The following NUDCD1 variants were observed in gnomAD, a reference collection of about 807,000 sequenced individuals.
The protein encoded by NUDCD1 is NudC domain containing 1, also known as nudC domain-containing protein 1.
A neutral mutation model predicts 67.8 loss-of-function variants in NUDCD1; 60 were observed. The observed-to-expected ratio is 0.88, with a 90% CI of 0.72 to 1.10. NUDCD1 has a LOEUF of 1.10. NUDCD1 is among the 50% of genes least tolerant of loss of function. The pLI is 0.00. For missense variants in NUDCD1, 643 were observed against 695.0 expected, an observed-to-expected ratio of 0.93 and a Z score of 0.84; for synonymous variants, 244 against 230.8, an observed-to-expected ratio of 1.06 and a Z score of -0.52.
intron 8 of NUDCD1, among the ~76,000 whole-genome samples, chr8:109,263,709 C>T (rs576609426): frequency 9.2e-5 from 14 of 152,154 alleles, no homozygotes; most frequent in East Asian, 7.7e-4. Context: ...ATGCAGAACC[C>T]TATTGGGTTG....
At chr8:109,328,504 G>A (rs1009959499) in intron 1 of NUDCD1, among the ~76,000 whole-genome samples, 1 of 152,116 alleles carries the variant, frequency 6.6e-6, no homozygotes, top group African/African-American at 2.4e-5. Context: ...TGTGTTTGAG[G>A]AGATTACCCC....
chr8:109,308,018 T>C (rs2130084330), intron 2 of NUDCD1, among the ~76,000 whole-genome samples: 1 of 152,110 alleles, frequency 6.6e-6, no homozygotes, highest in East Asian at 1.9e-4. Context: ...AGCAACACAA[T>C]AATAGTGGGG....
intron 6 of NUDCD1, among the ~76,000 whole-genome samples, chr8:109,277,067 T>A (rs1814306949): frequency 6.6e-6 from 1 of 152,198 alleles, no homozygotes; most frequent in East Asian, 1.9e-4. Context: ...ATATGTCAGG[T>A]GCTGTCTTAA....
intron 8 of NUDCD1, among the ~76,000 whole-genome samples, chr8:109,260,420 T>C (rs1813839935): frequency 6.6e-6 from 1 of 152,206 alleles, no homozygotes; most frequent in African/African-American, 2.4e-5. Context: ...AGGCTGGTCC[T>C]GACCTCCTGG....
chr8:109,283,478 G>A (rs1417333985), intron 5 of NUDCD1, among the ~76,000 whole-genome samples: 1 of 152,044 alleles, frequency 6.6e-6, no homozygotes, highest in Admixed American at 6.6e-5. Flanking sequence ...GATCACCAAG[G>A]CATATAGCAC....
At chr8:109,299,884 T>C (rs1303079570) in intron 2 of NUDCD1, among the ~76,000 whole-genome samples, 1 of 152,212 alleles carries the variant, frequency 6.6e-6, no homozygotes, top group Admixed American at 6.5e-5. Flanking sequence ...GGACAGGTGC[T>C]GGTATCCATG....
At chr8:109,271,969 G>C (rs1173786767) in intron 7 of NUDCD1, among the ~76,000 whole-genome samples, 1 of 151,876 alleles carries the variant, frequency 6.6e-6, no homozygotes, top group East Asian at 1.9e-4. Context: ...GAAAAGGGAA[G>C]AAAAGAGAAA....
At chr8:109,296,143 G>A (rs1814836671) in intron 3 of NUDCD1, among the ~76,000 whole-genome samples, 1 of 152,116 alleles carries the variant, frequency 6.6e-6, no homozygotes, top group Non-Finnish European at 1.5e-5. Context: ...GATGTCTGCT[G>A]AAAAATGAAT....
At position 109,243,204 on chromosome 8, in the gene NUDCD1, G is replaced by A; in HGVS notation, c.1557C>T (p.Ile519=). 6.2e-7 allele frequency: 1 copy of A among 1,613,768 alleles called. No individual in the cohort carries two copies. The highest frequency in any genetic ancestry group is 8.5e-7 in the Non-Finnish European group (1 of 1,179,756). ...ALCECLRRVF[I]YRQPAPMSTV... ...TGGACATGGGAGCAGGCTGACGATAGATGAATACTCGACGAAGGCACTCAC... is the reference window on the plus strand; with the variant it reads ...TGGACATGGGAGCAGGCTGACGATAAATGAATACTCGACGAAGGCACTCAC... The change falls in exon 10 of 10, where the codon ATC becomes ATT. Residue 519 remains isoleucine, a synonymous_variant. Transcript: ENST00000239690.
intron 1 of NUDCD1, among the ~76,000 whole-genome samples, chr8:109,323,604 A>G (rs1032250138): frequency 6.6e-6 from 1 of 152,124 alleles, no homozygotes; most frequent in Non-Finnish European, 1.5e-5. Flanking sequence ...GGGGAGATTA[A>G]CAAAAGCTTT....
In NUDCD1 at chr8:109,296,558, T is replaced by A; in HGVS notation, c.285A>T (p.Leu95Phe). Residue 95 changes from leucine to phenylalanine, a missense_variant, in exon 3 of 10, where the codon TTA becomes TTT. Leu to Phe is a conservative substitution (Grantham distance 22, BLOSUM62 0). Transcript: ENST00000239690. ...GTCGAAACACCTCTCGTGGTTTTCC[T>A]AAGGCAGTGTCCTAAAAAGACCAAA... is the stretch of plus-strand genomic sequence containing the variant. ...MNLTVMLDTALGKPREVFRLP... is the reference protein window; with the variant it reads ...MNLTVMLDTAFGKPREVFRLP... 2 of 1,604,332 alleles carry A rather than the reference T, an allele frequency of 1.2e-6. No individual in the cohort carries two copies. Among genetic ancestry groups the A allele is most frequent in the Non-Finnish European group, 1.7e-6 (2 of 1,172,986 alleles).
chr8:109,293,412 T>C lies in NUDCD1; in HGVS notation c.572A>G (p.Glu191Gly). 2 of 1,589,966 alleles carry C rather than the reference T, an allele frequency of 1.3e-6. No homozygotes were observed. The highest frequency in any genetic ancestry group is 1.4e-5 in the African/African-American group (1 of 73,682). ...ATLLLRIEKE[E>G]LDMKGSGFYV... ...GAAACCACTTCCTTTCATATCCAAT[T>C]CCTCTTTCTCTATTCGAAGAAGTAG... Residue 191 changes from glutamate to glycine, a missense_variant, in exon 4 of 10, where the codon GAA becomes GGA. By Grantham distance (98) the Glu-to-Gly change is moderately conservative (BLOSUM62 -2). Transcript: ENST00000239690.
At chr8:109,331,819 T>C (rs1815815135) in intron 1 of NUDCD1, among the ~76,000 whole-genome samples, 1 of 152,220 alleles carries the variant, frequency 6.6e-6, no homozygotes, top group African/African-American at 2.4e-5. Context: ...AGTTTTATTT[T>C]ATATTGTAAT....
At chr8:109,299,576 C>T (rs1038267971) in intron 2 of NUDCD1, among the ~76,000 whole-genome samples, 1 of 152,148 alleles carries the variant, frequency 6.6e-6, no homozygotes, top group Non-Finnish European at 1.5e-5. Flanking sequence ...TCACCCCCAT[C>T]CCCCACAGCA....
intron 7 of NUDCD1, among the ~76,000 whole-genome samples, chr8:109,274,795 T>C (rs1432923074): frequency 6.6e-6 from 1 of 152,190 alleles, no homozygotes; most frequent in Non-Finnish European, 1.5e-5. Context: ...AATTTCAAGT[T>C]CTGATGTACT....
At chr8:109,313,112 C>T (rs1815295224) in intron 2 of NUDCD1, among the ~76,000 whole-genome samples, 1 of 152,174 alleles carries the variant, frequency 6.6e-6, no homozygotes, top group African/African-American at 2.4e-5. Flanking sequence ...AGAAGCCAAA[C>T]CTTCTAACAG....
At chr8:109,302,627 G>A (rs558887097) in intron 2 of NUDCD1, among the ~76,000 whole-genome samples, 59 of 152,200 alleles carry the variant, frequency 3.9e-4, no homozygotes, top group African/African-American at 1.3e-3. Flanking sequence ...CCTGCCCAAC[G>A]ATTTCCTCTT....
At chr8:109,251,407 G>A (rs1015184534) in intron 8 of NUDCD1, among the ~76,000 whole-genome samples, 28 of 151,864 alleles carry the variant, frequency 1.8e-4, no homozygotes, top group African/African-American at 6.5e-4. Context: ...TCCTGACTTC[G>A]TGATCCACCC....
At chr8:109,291,710 C>T (rs1274915990) in intron 4 of NUDCD1, among the ~76,000 whole-genome samples, 1 of 152,106 alleles carries the variant, frequency 6.6e-6, no homozygotes, top group African/African-American at 2.4e-5. Context: ...GATTCTATAA[C>T]TACAATCTTG....
Sources: gnomAD v4.1 joint callset for allele counts (sites outside exome capture counted in the v4.1 genomes callset) on GRCh38, gnomAD v4.1.1 for gene constraint, MANE v1.5 for transcripts, NCBI Gene and HGNC (gene_info 2026-07-23, HGNC 2026-07-21) for gene names.